The following CNKSR2 variants were observed in gnomAD, a reference collection of about 807,000 sequenced individuals.
The protein encoded by CNKSR2 is connector enhancer of kinase suppressor of Ras 2, also known as CNK homolog protein 2.
In CNKSR2, 14 loss-of-function variants were observed where a neutral mutation model predicts 84.4. That is an observed-to-expected ratio of 0.17 (90% CI 0.11 to 0.26). CNKSR2 has a LOEUF of 0.26. Ranked by LOEUF, CNKSR2 falls within the 10% of genes least tolerant of loss-of-function variation. The pLI is 1.00. For missense variants in CNKSR2, 485 were observed against 771.2 expected, an observed-to-expected ratio of 0.63 and a Z score of 4.40; for synonymous variants, 275 against 277.9, an observed-to-expected ratio of 0.99 and a Z score of 0.10.
intron 13 of CNKSR2, among the ~76,000 whole-genome samples, chrX:21,570,239 C>T (rs2092273728): frequency 1.8e-5 from 2 of 112,881 alleles, no homozygotes; most frequent in South Asian, 7.3e-4. Context: ...TAGCCACCTT[C>T]ATCAATGATC....
intron 1 of CNKSR2, among the ~76,000 whole-genome samples, chrX:21,390,688 C>T (rs139986160): frequency 0.014 from 1,575 of 111,621 alleles, 15 homozygotes; most frequent in South Asian, 0.028. Flanking sequence ...CATTCTGCCC[C>T]GGCCTCTCCC....
chrX:21,609,725 T>C, intron 20 of CNKSR2, 108 bp downstream of exon 20: 1 of 1,005,299 alleles, frequency 9.9e-7, no homozygotes. Flanking sequence ...CTTAAAATAA[T>C]AGTATTGCTA....
chrX:21,439,994 TA>T (rs2090763215), intron 3 of CNKSR2, among the ~76,000 whole-genome samples: 1 of 110,281 alleles, frequency 9.1e-6, no homozygotes, highest in African/African-American at 3.3e-5. Flanking sequence ...ACTTAGATGT[TA>T]AAACCTTCAA....
At chrX:21,483,458 G>A (rs1175650689) in intron 5 of CNKSR2, among the ~76,000 whole-genome samples, 2 of 108,947 alleles carry the variant, frequency 1.8e-5, no homozygotes, top group Middle Eastern at 4.3e-3. Context: ...GGGGGAGCGG[G>A]GAGGGATAGC....
intron 11 of CNKSR2, among the ~76,000 whole-genome samples, chrX:21,547,877 C>T (rs1265449487): frequency 8.9e-6 from 1 of 111,784 alleles, no homozygotes; most frequent in Non-Finnish European, 1.9e-5. Flanking sequence ...TCTTTGAAAC[C>T]AATGAGAACA....
intron 4 of CNKSR2, among the ~76,000 whole-genome samples, chrX:21,454,653 C>T (rs138772930): frequency 1.8e-4 from 20 of 112,014 alleles, no homozygotes; most frequent in African/African-American, 5.5e-4. Flanking sequence ...TGAGCAATTC[C>T]GACCTAAAAG....
chrX:21,497,216 T>A (rs1456682192), intron 6 of CNKSR2, among the ~76,000 whole-genome samples: 2 of 111,176 alleles, frequency 1.8e-5, no homozygotes, highest in African/African-American at 6.5e-5. Flanking sequence ...TAATTATCGA[T>A]GTAGATATGA....
chrX:21,544,854 G>A (rs1022206336), intron 11 of CNKSR2, among the ~76,000 whole-genome samples: 3 of 111,345 alleles, frequency 2.7e-5, no homozygotes, highest in East Asian at 2.9e-4. Flanking sequence ...GGTGCATTCC[G>A]GCCCAGATAC....
intron 9 of CNKSR2, among the ~76,000 whole-genome samples, chrX:21,521,249 G>T (rs751131249): frequency 9.0e-6 from 1 of 110,827 alleles, no homozygotes; most frequent in South Asian, 3.7e-4. Context: ...CACTAGAGAA[G>T]AAAATCAATT....
chrX:21,473,745 GTTT>G lies in CNKSR2; in HGVS notation c.561+2955_561+2957del, dbSNP rs768497403. On this transcript the variant is annotated intron_variant, in intron 5 of 21. Transcript: ENST00000379510. ...TAGGTTTTTTGTTGTTGTTGGTTTG[GTTT>G]TTTTTTTTTTTTTTTTGAGACAGAG... Among the ~76,000 whole-genome samples, 3 of 67,198 alleles carry G rather than the reference GTTT, an allele frequency of 4.5e-5. 1 individual carries two copies. The highest frequency in any genetic ancestry group is 3.1e-4 in the African/African-American group (3 of 9,709). 58.4% of individuals were successfully genotyped at this position (67,198 alleles called of 115,157 possible).
intron 6 of CNKSR2, among the ~76,000 whole-genome samples, chrX:21,495,870 A>G (rs1231258103): frequency 2.0e-5 from 2 of 100,537 alleles, no homozygotes; most frequent in African/African-American, 7.3e-5. Flanking sequence ...GTCATGCTTC[A>G]TTTAATGACG....
At chrX:21,418,758 A>C (rs1018569148) in intron 1 of CNKSR2, among the ~76,000 whole-genome samples, 1 of 111,395 alleles carries the variant, frequency 9.0e-6, no homozygotes. Context: ...CAAGGCATTT[A>C]ATAATCCCTG....
intron 20 of CNKSR2, among the ~76,000 whole-genome samples, chrX:21,623,520 G>A (rs1207235848): frequency 9.0e-6 from 1 of 111,626 alleles, no homozygotes; most frequent in African/African-American, 3.2e-5. Context: ...GTTTAATGAA[G>A]AGTGGTGTTG....
At chrX:21,431,527 AATTCTTAC>A (rs1371336038) in intron 2 of CNKSR2, among the ~76,000 whole-genome samples, 1 of 111,483 alleles carries the variant, frequency 9.0e-6, no homozygotes, top group East Asian at 2.8e-4. Context: ...GGCCCAAGCA[AATTCTTAC>A]ATTCTTTGGG....
chrX:21,426,539 G>C lies in CNKSR2; in HGVS notation c.107G>C (p.Arg36Thr). Reference protein sequence around the residue: ...CLQQYIKNFEREKISGDQLLR... With the variant: ...CLQQYIKNFETEKISGDQLLR... ...CAGCAGTATATTAAGAACTTTGAGA[G>C]GGAGAAGATCAGTGGGGACCAGCTG... Residue 36 changes from arginine to threonine, a missense_variant, in exon 2 of 22, where the codon AGG (arginine) becomes ACG (threonine). Arg to Thr is a moderately conservative substitution (Grantham distance 71). Transcript: ENST00000379510. The C allele has an allele frequency of 8.3e-7, 1 of 1,209,411 alleles. No individual in the cohort carries two copies. The highest frequency in any genetic ancestry group is 1.1e-6 in the Non-Finnish European group (1 of 894,145).
chrX:21,478,956 A>G (rs911802716), intron 5 of CNKSR2, among the ~76,000 whole-genome samples: 6 of 111,651 alleles, frequency 5.4e-5, no homozygotes, highest in African/African-American at 9.8e-5. Context: ...GTTTTGATAC[A>G]TGGGCATATT....
At chrX:21,483,308 T>C (rs1351527575) in intron 5 of CNKSR2, among the ~76,000 whole-genome samples, 1 of 110,270 alleles carries the variant, frequency 9.1e-6, no homozygotes, top group Non-Finnish European at 1.9e-5. Context: ...CAGCAAACTA[T>C]CACAAGGACA....
At chrX:21,413,937 T>A (rs776558820) in intron 1 of CNKSR2, among the ~76,000 whole-genome samples, 1 of 110,476 alleles carries the variant, frequency 9.1e-6, no homozygotes, top group African/African-American at 3.3e-5. Flanking sequence ...CCTATCAAAA[T>A]ACCAATGACA....
intron 11 of CNKSR2, among the ~76,000 whole-genome samples, chrX:21,554,798 A>G (rs2041997628): frequency 9.0e-6 from 1 of 111,166 alleles, no homozygotes; most frequent in Admixed American, 9.6e-5. Context: ...GAACATACAC[A>G]TGCATATGTC....
Sources: gnomAD v4.1 joint callset for allele counts (sites outside exome capture counted in the v4.1 genomes callset) on GRCh38, gnomAD v4.1.1 for gene constraint, MANE v1.5 for transcripts, NCBI Gene and HGNC (gene_info 2026-07-23, HGNC 2026-07-21) for gene names.